The following ALPL variants were observed in gnomAD, a reference collection of about 807,000 sequenced individuals.
ALPL encodes the protein alkaline phosphatase, tissue-nonspecific isozyme.
ALPL carries 42 observed loss-of-function variants against 51.3 expected under a neutral mutation model. The ratio of observed to expected loss-of-function variants is 0.82; its 90% CI spans 0.64 to 1.06. The LOEUF is 1.06. ALPL is among the 50% of genes least tolerant of loss of function. The probability of loss-of-function intolerance (pLI) is 0.00; values close to 1 mark genes in which losing one functional copy is unlikely to be tolerated. For missense variants in ALPL, 589 were observed against 709.4 expected, an observed-to-expected ratio of 0.83 and a Z score of 1.93; for synonymous variants, 279 against 296.4, an observed-to-expected ratio of 0.94 and a Z score of 0.60.
At chr1:21,550,479 G>A (rs1460807520) in intron 1 of ALPL, among the ~76,000 whole-genome samples, 3 of 152,160 alleles carry the variant, frequency 2.0e-5, no homozygotes, top group African/African-American at 7.2e-5. Context: ...TATGAACTAT[G>A]GAGTGCAGCA....
chr1:21,570,420 T>C (rs754211168), intron 8 of ALPL, 46 bp downstream of exon 8: 2 of 1,593,860 alleles, frequency 1.3e-6, no homozygotes, highest in Admixed American at 1.7e-5. Context: ...CGGAGCCTGG[T>C]GGCCGGAGCT....
rs1044247890 is a variant in ALPL at position 21,566,204 on chromosome 1, C to A, written c.649-1900C>A. 4.6e-5 allele frequency among the ~76,000 whole-genome samples: 7 copies of A among 152,316 alleles called. No individual in the cohort carries two copies. The East Asian group carries it at 9.6e-4, about 21-fold the overall frequency. On this transcript the variant is annotated intron_variant, in intron 6 of 11. Coordinates refer to ENST00000374840, the MANE Select transcript of ALPL (RefSeq NM_000478.6). ...TAGAAATGCCTTCCAGTGGCAGCCA[C>A]CCCCTGGGTGCTGGGGACTTCCCTG...
intron 9 of ALPL, 98 bp downstream of exon 9, chr1:21,573,897 G>T: frequency 1.3e-6 from 2 of 1,579,646 alleles, no homozygotes; most frequent in Admixed American, 3.6e-5. Context: ...ACTGGTTTGG[G>T]GGTGAAGGGA....
chr1:21,553,467 G>A lies in ALPL; in HGVS notation c.-104-511G>A, dbSNP rs1558542736. 2.6e-5 allele frequency among the ~76,000 whole-genome samples: 4 copies of A among 152,278 alleles called. No individual in the cohort carries two copies. The South Asian group carries it at 6.2e-4, about 24-fold the overall frequency. ...CTCTGTTTTGTCCCTGATGTTCCTG[G>A]GACACAGGTAATTAAAAGGCTGAAG... On this transcript the variant is annotated intron_variant, in intron 1 of 11. Transcript: ENST00000374840.
At chr1:21,575,343 G>A (rs945173764) in intron 9 of ALPL, among the ~76,000 whole-genome samples, 2 of 152,194 alleles carry the variant, frequency 1.3e-5, no homozygotes, top group Non-Finnish European at 2.9e-5. Context: ...AGACATGGGT[G>A]TGTCGTGCCT....
chr1:21,513,714 T>C (rs569314481), intron 1 of ALPL, among the ~76,000 whole-genome samples: 6 of 152,308 alleles, frequency 3.9e-5, no homozygotes, highest in Admixed American at 2.6e-4. Flanking sequence ...TTGCGGTGAT[T>C]AAACAACTTT....
intron 1 of ALPL, among the ~76,000 whole-genome samples, chr1:21,527,015 G>T (rs1006001539): frequency 9.3e-5 from 13 of 140,522 alleles, no homozygotes; most frequent in Admixed American, 2.2e-4. Flanking sequence ...TGTTATTCTT[G>T]TTCTTTTCTT....
At chr1:21,577,317 G>C in intron 11 of ALPL, 66 bp from the exon 12 acceptor site, 1 of 1,610,256 alleles carries the variant, frequency 6.2e-7, no homozygotes, top group South Asian at 1.1e-5. Flanking sequence ...AAGGGAGATG[G>C]AAAAGCTGCG....
intron 1 of ALPL, among the ~76,000 whole-genome samples, chr1:21,541,516 C>T (rs1441113058): frequency 1.3e-5 from 2 of 152,232 alleles, no homozygotes; most frequent in African/African-American, 4.8e-5. Flanking sequence ...CCTGGCCACC[C>T]GGCCTGTGCC....
chr1:21,522,072 AT>A lies in ALPL; in HGVS notation c.-105+12572del, dbSNP rs35302039. Among the ~76,000 whole-genome samples, 1,149 of 134,684 alleles carry A rather than the reference AT, an allele frequency of 8.5e-3. 7 individuals are homozygous for A. Among genetic ancestry groups the A allele is most frequent in the African/African-American group, 0.025 (904 of 36,308 alleles). The allele number at this position is 134,684 out of a possible 152,430, so 88.4% of individuals were successfully genotyped here. A position where few individuals can be genotyped will look rare whatever the true frequency, so the allele number is the denominator to read the frequency against. On this transcript the variant is annotated intron_variant, in intron 1 of 11. Coordinates refer to ENST00000374840, the MANE Select transcript of ALPL (RefSeq NM_000478.6). Reference sequence around the variant, plus strand: ...AGAGGAGTAACCAATACATATGTCCATTTTTTTTTTTTTTTTTGAGATGGAG... The same window carrying A: ...AGAGGAGTAACCAATACATATGTCCATTTTTTTTTTTTTTTTGAGATGGAG...
At chr1:21,557,249 G>T (rs17421553) in intron 2 of ALPL, among the ~76,000 whole-genome samples, 1 of 152,150 alleles carries the variant, frequency 6.6e-6, no homozygotes, top group East Asian at 1.9e-4. Flanking sequence ...AGTTCCTCCC[G>T]CTTAGGGTCA....
intron 2 of ALPL, among the ~76,000 whole-genome samples, chr1:21,556,650 A>G (rs1644417814): frequency 7.0e-6 from 1 of 143,748 alleles, no homozygotes; most frequent in African/African-American, 2.6e-5. Flanking sequence ...AAAAGAAACC[A>G]GCTTCTGGCC....
intron 6 of ALPL, 54 bp from the exon 7 acceptor site, chr1:21,568,050 G>T: frequency 6.2e-7 from 1 of 1,612,918 alleles, no homozygotes; most frequent in South Asian, 1.1e-5. Context: ...GAGGTCACTG[G>T]GGCTTCTGGG....
chr1:21,524,752 A>G (rs1393782896), intron 1 of ALPL, among the ~76,000 whole-genome samples: 1 of 152,180 alleles, frequency 6.6e-6, no homozygotes, highest in African/African-American at 2.4e-5. Context: ...AAATAGCAGG[A>G]ACAGACTGTG....
intron 1 of ALPL, among the ~76,000 whole-genome samples, chr1:21,517,390 C>T (rs1643820731): frequency 6.6e-6 from 1 of 152,132 alleles, no homozygotes; most frequent in Non-Finnish European, 1.5e-5. Flanking sequence ...CCAGGGTTGC[C>T]CAATCAGATT....
intron 4 of ALPL, 147 bp from the exon 5 acceptor site, chr1:21,562,963 G>C: frequency 1.9e-6 from 2 of 1,058,090 alleles, no homozygotes; most frequent in East Asian, 2.5e-5. Flanking sequence ...TGGCTCTGGG[G>C]GGCTTCAGTG....
chr1:21,514,650 C>A (rs1030832433), intron 1 of ALPL, among the ~76,000 whole-genome samples: 4 of 152,114 alleles, frequency 2.6e-5, no homozygotes, highest in Non-Finnish European at 4.4e-5. Context: ...TAGGTCTCCA[C>A]GAATCAACTG....
chr1:21,547,793 G>A (rs1365846326), intron 1 of ALPL, among the ~76,000 whole-genome samples: 1 of 152,248 alleles, frequency 6.6e-6, no homozygotes, highest in East Asian at 1.9e-4. Context: ...GATCAGGGAT[G>A]TAAACAGCAT....
At chr1:21,538,057 G>A (rs982640485) in intron 1 of ALPL, among the ~76,000 whole-genome samples, 1 of 152,190 alleles carries the variant, frequency 6.6e-6, no homozygotes, top group East Asian at 1.9e-4. Flanking sequence ...CGGCACACTC[G>A]TGATCACTGT....
Sources: gnomAD v4.1 joint callset for allele counts (sites outside exome capture counted in the v4.1 genomes callset) on GRCh38, gnomAD v4.1.1 for gene constraint, MANE v1.5 for transcripts, NCBI Gene and HGNC (gene_info 2026-07-23, HGNC 2026-07-21) for gene names.